The following DYM variants were observed in gnomAD, a reference collection of about 807,000 sequenced individuals.
DYM encodes the protein dymeclin.
A neutral mutation model predicts 93.1 loss-of-function variants in DYM; 78 were observed. That is an observed-to-expected ratio of 0.84 (90% confidence interval 0.70 to 1.01). The LOEUF (loss-of-function observed/expected upper bound fraction) is 1.01, where lower values mean the gene tolerates loss of function less well. DYM is among the 50% of genes least tolerant of loss of function. The pLI is 0.00. For synonymous variants in DYM, 321 were observed against 319.7 expected, an observed-to-expected ratio of 1.00 and a Z score of -0.04; for missense variants, 789 against 845.0, an observed-to-expected ratio of 0.93 and a Z score of 0.82.
intron 2 of DYM, among the ~76,000 whole-genome samples, chr18:49,397,312 C>CA (rs1392530781): frequency 1.3e-5 from 2 of 152,072 alleles, no homozygotes; most frequent in Non-Finnish European, 2.9e-5. Flanking sequence ...AAATATCTTT[C>CA]AAAACACTTT....
intron 2 of DYM, among the ~76,000 whole-genome samples, chr18:49,408,304 T>C (rs1010865442): frequency 6.6e-6 from 1 of 152,258 alleles, no homozygotes; most frequent in East Asian, 1.9e-4. Context: ...ACCATTTTTA[T>C]TTATGTAGCC....
intron 17 of DYM, among the ~76,000 whole-genome samples, chr18:49,085,615 T>TG (rs2078445169): frequency 1.4e-5 from 2 of 144,790 alleles, no homozygotes; most frequent in African/African-American, 2.5e-5. Flanking sequence ...CCTTTTTTTT[T>TG]TTTTTTTTTT....
chr18:49,274,717 T>C (rs78247143), intron 10 of DYM, among the ~76,000 whole-genome samples: 62 of 152,294 alleles, frequency 4.1e-4, no homozygotes, highest in African/African-American at 1.4e-3. Flanking sequence ...GATTTACACT[T>C]ACCTGATGAC....
intron 2 of DYM, among the ~76,000 whole-genome samples, chr18:49,398,899 T>C (rs1326059439): frequency 1.3e-5 from 2 of 152,180 alleles, no homozygotes; most frequent in African/African-American, 4.8e-5. Context: ...ATGCAAAGGA[T>C]TGTAAAAAGC....
At chr18:49,383,866 G>A (rs1423695041) in intron 3 of DYM, among the ~76,000 whole-genome samples, 5 of 152,120 alleles carry the variant, frequency 3.3e-5, no homozygotes, top group African/African-American at 4.8e-5. Flanking sequence ...AACAACAACA[G>A]CAACCAGAGG....
chr18:49,457,967 T>C (rs1347190746), intron 1 of DYM, among the ~76,000 whole-genome samples: 1 of 152,184 alleles, frequency 6.6e-6, no homozygotes, highest in African/African-American at 2.4e-5. Flanking sequence ...GGAAGAGGCA[T>C]AGATGCCCCC....
intron 16 of DYM, among the ~76,000 whole-genome samples, chr18:49,101,761 G>A (rs2080168133): frequency 6.6e-6 from 1 of 151,980 alleles, no homozygotes; most frequent in Admixed American, 6.6e-5. Context: ...TACATATATT[G>A]ACAATCCATT....
chr18:49,259,840 GCTA>G (rs1249420511), intron 11 of DYM, among the ~76,000 whole-genome samples: 1 of 152,148 alleles, frequency 6.6e-6, no homozygotes, highest in African/African-American at 2.4e-5. Flanking sequence ...GAAGATCCAT[GCTA>G]CTATTTTCTC....
intron 8 of DYM, among the ~76,000 whole-genome samples, chr18:49,288,051 T>C (rs1024858571): frequency 2.0e-5 from 3 of 152,182 alleles, no homozygotes; most frequent in Non-Finnish European, 4.4e-5. Flanking sequence ...TTAGATACAC[T>C]AGTATTAAAA....
At chr18:49,368,162 GACTGCTATTATTT>G (rs1438295501) in intron 5 of DYM, among the ~76,000 whole-genome samples, 1 of 152,136 alleles carries the variant, frequency 6.6e-6, no homozygotes, top group African/African-American at 2.4e-5. Flanking sequence ...AATTCTGGTT[GACTGCTATTATTT>G]TGGTCAAACA....
chr18:49,127,437 C>G (rs1428215741), intron 15 of DYM, among the ~76,000 whole-genome samples: 5 of 152,200 alleles, frequency 3.3e-5, no homozygotes, highest in Non-Finnish European at 7.3e-5. Context: ...GGAATTTATA[C>G]AGTTAAATAG....
At chr18:49,165,713 T>A (rs1698457475) in intron 14 of DYM, among the ~76,000 whole-genome samples, 1 of 152,140 alleles carries the variant, frequency 6.6e-6, no homozygotes, top group Non-Finnish European at 1.5e-5. Context: ...TTACATGAAG[T>A]AATTACTGAA....
At chr18:49,149,012 CCT>C (rs1156938256) in intron 15 of DYM, among the ~76,000 whole-genome samples, 3 of 152,022 alleles carry the variant, frequency 2.0e-5, no homozygotes, top group Non-Finnish European at 4.4e-5. Context: ...CAGTGGGAGC[CCT>C]GAGCTTGTTA....
At chr18:49,430,614 T>C (rs901244082) in intron 1 of DYM, among the ~76,000 whole-genome samples, 167 bp from the exon 2 acceptor site, 36 of 152,122 alleles carry the variant, frequency 2.4e-4, no homozygotes, top group Non-Finnish European at 4.1e-4. Flanking sequence ...AGGCCAGGCA[T>C]GGTGACTCAC....
intron 14 of DYM, among the ~76,000 whole-genome samples, chr18:49,172,593 G>C (rs1179036861): frequency 1.3e-5 from 2 of 152,092 alleles, no homozygotes; most frequent in Non-Finnish European, 2.9e-5. Context: ...TTAAAACAAT[G>C]GGTTGTTTTT....
At chr18:49,209,213 T>C (rs923332676) in intron 14 of DYM, among the ~76,000 whole-genome samples, 1 of 152,246 alleles carries the variant, frequency 6.6e-6, no homozygotes, top group African/African-American at 2.4e-5. Context: ...TCATAGTAAC[T>C]GTAGAGTCTA....
intron 9 of DYM, among the ~76,000 whole-genome samples, chr18:49,285,927 A>G (rs946107487): frequency 1.3e-5 from 2 of 152,226 alleles, no homozygotes; most frequent in African/African-American, 4.8e-5. Context: ...ACTTGTTTAC[A>G]TAGTACCTAT....
At chr18:49,409,912 G>T (rs2072013472) in intron 2 of DYM, among the ~76,000 whole-genome samples, 1 of 152,180 alleles carries the variant, frequency 6.6e-6, no homozygotes, top group African/African-American at 2.4e-5. Flanking sequence ...GATGTTCTGT[G>T]ACTTAGGTCG....
At chr18:49,388,589 C>T (rs113314674) in intron 3 of DYM, among the ~76,000 whole-genome samples, 1,663 of 147,332 alleles carry the variant, frequency 0.011, 32 homozygotes, top group African/African-American at 0.043. Context: ...TGATAAAAGA[C>T]ACCAACTCAC....
Sources: allele counts gnomAD v4.1 joint callset (sites outside exome capture counted in the v4.1 genomes callset), GRCh38; gene constraint gnomAD v4.1.1; transcripts MANE v1.5; gene names NCBI Gene and HGNC (gene_info 2026-07-23, HGNC 2026-07-21).